Variants in ANO3 observed in about 807,000 individuals in gnomAD.
ANO3 encodes anoctamin-3.
Under a neutral mutation model 144.8 loss-of-function variants are expected in ANO3, and 99 were observed. The observed-to-expected ratio is 0.68, with a 90% CI of 0.58 to 0.81. ANO3 has a LOEUF of 0.81. Ranked by LOEUF, ANO3 falls within the 30% of genes least tolerant of loss-of-function variation. The pLI, the probability that ANO3 is intolerant of heterozygous loss-of-function variation, is 0.00. For missense variants in ANO3, 905 were observed against 1,202.2 expected, an observed-to-expected ratio of 0.75 and a Z score of 3.66; for synonymous variants, 414 against 392.6, an observed-to-expected ratio of 1.05 and a Z score of -0.64.
intron 14 of ANO3, among the ~76,000 whole-genome samples, chr11:26,567,723 A>C (rs1850648493): frequency 6.6e-6 from 1 of 152,008 alleles, no homozygotes; most frequent in Non-Finnish European, 1.5e-5. Flanking sequence ...GCTGGCAGAC[A>C]TATGAGAACA....
At position 26,422,176 on chromosome 11, in the gene ANO3, C is replaced by A. The variant is rs539710086; in HGVS notation, c.47-19742C>A. ...TGTTTCCTTAGGATGAGTTAATTTT[C>A]TTGATGAGAAATTTTACTAAGAGGG... On this transcript the variant is annotated intron_variant, in intron 1 of 26. Coordinates refer to ENST00000256737, the MANE Select transcript of ANO3 (RefSeq NM_031418.4). Among the ~76,000 whole-genome samples the A allele has an allele frequency of 1.4e-4, 21 of 152,108 alleles. No individual in the cohort carries two copies. The East Asian group carries it at 3.5e-3, about 25-fold the overall frequency.
intron 1 of ANO3, among the ~76,000 whole-genome samples, chr11:26,271,738 T>C (rs749558881): frequency 7.5e-6 from 1 of 132,872 alleles, no homozygotes; most frequent in Non-Finnish European, 1.8e-5. Context: ...AATTTTATCG[T>C]GTTTTTCTTC....
intron 8 of ANO3, among the ~76,000 whole-genome samples, chr11:26,533,954 A>C (rs1160539458): frequency 6.6e-6 from 1 of 150,888 alleles, no homozygotes; most frequent in Non-Finnish European, 1.5e-5. Flanking sequence ...AGACCCTTCC[A>C]TCCCTCTTGA....
In ANO3 at chr11:26,286,327, G is replaced by C. The variant is rs140280375; in HGVS notation, c.155-23318G>C. Among the ~76,000 whole-genome samples, 504 of 152,230 alleles carry C rather than the reference G, an allele frequency of 3.3e-3. 1 individual carries two copies. The highest frequency in any genetic ancestry group is 0.012 in the African/African-American group (484 of 41,552). Reference sequence around the variant, plus strand: ...TAGTTGTATTTTGATATAAAGGCCTGGGGTTTGTCAATATTTAGTTCAGGG... The same window carrying C: ...TAGTTGTATTTTGATATAAAGGCCTCGGGTTTGTCAATATTTAGTTCAGGG... On this transcript the variant is annotated intron_variant, in intron 1 of 27. Transcript: ENST00000672621.
At chr11:26,586,655 A>G (rs1276667241) in intron 14 of ANO3, among the ~76,000 whole-genome samples, 3 of 151,316 alleles carry the variant, frequency 2.0e-5, no homozygotes, top group Non-Finnish European at 4.4e-5. Context: ...GGCGCCCGCC[A>G]CCACACCCGG....
chr11:26,498,322 G>T (rs1407110653), intron 4 of ANO3, among the ~76,000 whole-genome samples: 1 of 151,668 alleles, frequency 6.6e-6, no homozygotes, highest in Non-Finnish European at 1.5e-5. Context: ...TTCACAGAGT[G>T]TTCAACTCAC....
intron 1 of ANO3, among the ~76,000 whole-genome samples, chr11:26,209,631 T>C (rs897305144): frequency 6.6e-6 from 1 of 152,232 alleles, no homozygotes; most frequent in African/African-American, 2.4e-5. Flanking sequence ...GCGTTCCTAT[T>C]TCTCATCTTC....
At chr11:26,522,539 A>G (rs1862124603) in intron 6 of ANO3, among the ~76,000 whole-genome samples, 1 of 152,218 alleles carries the variant, frequency 6.6e-6, no homozygotes, top group Admixed American at 6.5e-5. Flanking sequence ...AACCTTTCAA[A>G]TGAAAAATTA....
At chr11:26,298,318 G>A (rs1854139760) in intron 1 of ANO3, among the ~76,000 whole-genome samples, 1 of 151,936 alleles carries the variant, frequency 6.6e-6, no homozygotes. Flanking sequence ...AGAGAAAACA[G>A]GCCAAAATGG....
chr11:26,565,642 G>C (rs944044497), intron 14 of ANO3: 2 of 1,609,402 alleles, frequency 1.2e-6, no homozygotes, highest in Admixed American at 1.7e-5. Flanking sequence ...TTCAAAGGAG[G>C]GGAATGACTC....
intron 11 of ANO3, among the ~76,000 whole-genome samples, 178 bp from the exon 12 acceptor site, chr11:26,547,238 A>T (rs1849811998): frequency 6.6e-6 from 1 of 151,914 alleles, no homozygotes; most frequent in African/African-American, 2.4e-5. Flanking sequence ...AAAATAAACA[A>T]CATTACCATC....
chr11:26,548,056 A>C (rs187391019), intron 12 of ANO3, among the ~76,000 whole-genome samples: 1 of 152,002 alleles, frequency 6.6e-6, no homozygotes, highest in Non-Finnish European at 1.5e-5. Flanking sequence ...ATTATACCAC[A>C]TAAGTCCTGC....
At chr11:26,281,901 C>A (rs530159489) in intron 1 of ANO3, among the ~76,000 whole-genome samples, 1 of 152,240 alleles carries the variant, frequency 6.6e-6, no homozygotes, top group East Asian at 1.9e-4. Flanking sequence ...CAACCCAGCA[C>A]ATGTGCATAT....
At chr11:26,350,749 A>G (rs1759004991) in intron 1 of ANO3, among the ~76,000 whole-genome samples, 1 of 152,146 alleles carries the variant, frequency 6.6e-6, no homozygotes, top group Admixed American at 6.5e-5. Context: ...TATGTGAATG[A>G]AAAATTTTAA....
At chr11:26,408,194 A>C (rs1408127715) in intron 1 of ANO3, among the ~76,000 whole-genome samples, 1 of 152,014 alleles carries the variant, frequency 6.6e-6, no homozygotes, top group Non-Finnish European at 1.5e-5. Flanking sequence ...GGCAACCTAC[A>C]AAATGGGACA....
At chr11:26,367,299 C>G (rs1175561160) in intron 1 of ANO3, among the ~76,000 whole-genome samples, 1 of 152,186 alleles carries the variant, frequency 6.6e-6, no homozygotes. Flanking sequence ...CTCTGATGTT[C>G]AAACTTCCAC....
At chr11:26,446,710 C>T (rs1858714688) in intron 3 of ANO3, among the ~76,000 whole-genome samples, 2 of 152,122 alleles carry the variant, frequency 1.3e-5, no homozygotes, top group Non-Finnish European at 1.5e-5. Flanking sequence ...AGTGATTTCA[C>T]TAGTAAATTG....
At chr11:26,458,941 A>G (rs1311367493) in intron 3 of ANO3, among the ~76,000 whole-genome samples, 1 of 152,112 alleles carries the variant, frequency 6.6e-6, no homozygotes, top group Non-Finnish European at 1.5e-5. Flanking sequence ...AATAAAAAAT[A>G]ATAAAGCATT....
Position 26,635,128 on chromosome 11 carries a change from C to T in ANO3, c.2043+58C>T, listed in dbSNP as rs1178607626. The stretch of plus-strand genomic sequence containing the variant: ...GGGCATGGATATGGGCCAGTTACTG[C>T]GGGAGGAAGGGAGCTGAAGAAAGGA... On this transcript the variant is annotated intron_variant, in intron 20 of 26. Coordinates refer to ENST00000256737, the MANE Select transcript of ANO3 (RefSeq NM_031418.4). 44 of 1,459,324 alleles carry T rather than the reference C, an allele frequency of 3.0e-5. No individual in the cohort carries two copies. The Admixed American group carries it at 4.2e-4, about 14-fold the overall frequency. The allele number at this position is 1,459,324 out of a possible 1,614,324, so 90.4% of individuals were successfully genotyped here.
Sources: gnomAD v4.1 joint callset for allele counts (sites outside exome capture counted in the v4.1 genomes callset) on GRCh38, gnomAD v4.1.1 for gene constraint, MANE v1.5 for transcripts, NCBI Gene and HGNC (gene_info 2026-07-23, HGNC 2026-07-21) for gene names.